SLC24A2: variants seen among roughly 807,000 people sequenced by gnomAD.
SLC24A2 encodes the protein sodium/potassium/calcium exchanger 2.
Under a neutral mutation model 62.0 loss-of-function variants are expected in SLC24A2, and 36 were observed. That is an observed-to-expected ratio of 0.58 (90% CI 0.44 to 0.77). The LOEUF (loss-of-function observed/expected upper bound fraction) is 0.77, where lower values mean the gene tolerates loss of function less well. SLC24A2 is among the 30% of genes least tolerant of loss of function. SLC24A2 has a pLI of 0.00. For synonymous variants in SLC24A2, 358 were observed against 294.0 expected, an observed-to-expected ratio of 1.22 and a Z score of -2.23; for missense variants, 846 against 817.9, an observed-to-expected ratio of 1.03 and a Z score of -0.42.
the SLC24A2 span, among the ~76,000 whole-genome samples, chr9:20,210,601 G>GTA: frequency 2.2e-5 from 3 of 138,112 alleles, no homozygotes; most frequent in East Asian, 7.5e-4. Context: ...AGCCTCCCGA[G>GTA]TAGCTGGGAC....
chr9:19,749,826 C>T (rs1207079974), intron 2 of SLC24A2, among the ~76,000 whole-genome samples: 2 of 152,196 alleles, frequency 1.3e-5, no homozygotes, highest in East Asian at 3.8e-4. Flanking sequence ...GCAGCTAGTC[C>T]ATATGCTCAC....
At chr9:19,550,539 G>C (rs1191503831) in intron 7 of SLC24A2, among the ~76,000 whole-genome samples, 1 of 152,090 alleles carries the variant, frequency 6.6e-6, no homozygotes, top group Non-Finnish European at 1.5e-5. Context: ...TATTCAACTG[G>C]AGTGGGCTAC....
At chr9:19,622,450 A>G (rs1817930864) in intron 2 of SLC24A2, 151 bp from the exon 3 acceptor site, 1 of 746,948 alleles carries the variant, frequency 1.3e-6, no homozygotes, top group Non-Finnish European at 2.3e-6. Context: ...CAGGGGACTA[A>G]GGATGTATAT....
At chr9:20,040,055 AATTG>A in the SLC24A2 span, among the ~76,000 whole-genome samples, 2 of 152,208 alleles carry the variant, frequency 1.3e-5, no homozygotes, top group Admixed American at 1.3e-4. Context: ...TTATTTCATA[AATTG>A]ATTGTTGTGA....
At chr9:19,821,458 T>A in the SLC24A2 span, among the ~76,000 whole-genome samples, 1 of 152,130 alleles carries the variant, frequency 6.6e-6, no homozygotes, top group Admixed American at 6.6e-5. Context: ...AAGAATGTGA[T>A]ATCCCTGTGA....
At chr9:19,660,204 G>T (rs1307328461) in intron 2 of SLC24A2, among the ~76,000 whole-genome samples, 1 of 152,204 alleles carries the variant, frequency 6.6e-6, no homozygotes, top group East Asian at 1.9e-4. Context: ...GGAAGCTGCT[G>T]TCTGAGTAAT....
the SLC24A2 span, among the ~76,000 whole-genome samples, chr9:19,908,093 G>C: frequency 6.6e-6 from 1 of 152,114 alleles, no homozygotes; most frequent in Non-Finnish European, 1.5e-5. Flanking sequence ...TATACTACAA[G>C]GCTACAGTCA....
At chr9:19,529,700 T>A in intron 8 of SLC24A2, among the ~76,000 whole-genome samples, 1 of 149,184 alleles carries the variant, frequency 6.7e-6, no homozygotes, top group African/African-American at 2.5e-5. Context: ...TAATGGGTAA[T>A]GGGGGAAATA....
chr9:20,265,462 C>G, the SLC24A2 span, among the ~76,000 whole-genome samples: 5,182 of 152,278 alleles, frequency 0.034, 121 homozygotes, highest in African/African-American at 0.049. Context: ...TTACTGTAAT[C>G]TGTGAACATA....
chr9:19,685,769 A>T (rs1234127792), intron 2 of SLC24A2, among the ~76,000 whole-genome samples: 1 of 152,116 alleles, frequency 6.6e-6, no homozygotes, highest in Non-Finnish European at 1.5e-5. Context: ...ACAAAAATCA[A>T]CTAAAGATGA....
intron 2 of SLC24A2, among the ~76,000 whole-genome samples, chr9:19,744,552 G>A (rs1194293510): frequency 2.6e-5 from 4 of 152,124 alleles, no homozygotes; most frequent in Admixed American, 6.6e-5. Context: ...CCAAGGAAAG[G>A]GGACAGCCGC....
the SLC24A2 span, among the ~76,000 whole-genome samples, chr9:20,113,218 C>G: frequency 1.3e-5 from 2 of 152,118 alleles, no homozygotes; most frequent in African/African-American, 4.8e-5. Context: ...TTCTAGGGAA[C>G]CAGGCAGCAT....
chr9:20,058,348 T>A, the SLC24A2 span, among the ~76,000 whole-genome samples: 2 of 152,136 alleles, frequency 1.3e-5, no homozygotes, highest in South Asian at 2.1e-4. Context: ...CCCTAATTTA[T>A]AAAATCTCCC....
chr9:20,002,542 A>C, the SLC24A2 span, among the ~76,000 whole-genome samples: 1 of 152,294 alleles, frequency 6.6e-6, no homozygotes. Context: ...TTTGTAGATG[A>C]GTAAACTGAA....
the SLC24A2 span, among the ~76,000 whole-genome samples, chr9:20,007,442 T>C: frequency 1.3e-5 from 2 of 152,252 alleles, no homozygotes; most frequent in East Asian, 3.9e-4. Context: ...CCCCATGTTT[T>C]CTAAGTCTAA....
At chr9:19,916,445 A>C in the SLC24A2 span, among the ~76,000 whole-genome samples, 1 of 152,046 alleles carries the variant, frequency 6.6e-6, no homozygotes, top group African/African-American at 2.4e-5. Flanking sequence ...CACAAGTTAA[A>C]AATTTACCTA....
At chr9:19,843,475 G>A in the SLC24A2 span, among the ~76,000 whole-genome samples, 1 of 152,332 alleles carries the variant, frequency 6.6e-6, no homozygotes, top group East Asian at 1.9e-4. Flanking sequence ...TTTTGCCATT[G>A]TGCTGCAGCC....
At position 19,698,501 on chromosome 9, in the gene SLC24A2, A is replaced by G. The variant is rs368261098; in HGVS notation, c.931-76202T>C. On this transcript the variant is annotated intron_variant, in intron 2 of 10. Coordinates refer to ENST00000341998, the MANE Select transcript of SLC24A2 (RefSeq NM_020344.4). The stretch of plus-strand genomic sequence containing the variant: ...TGTATAGCTGTGTCTACAAAAATAA[A>G]ATGGTAACCAAGAAGAACTCTAAAA... Among the ~76,000 whole-genome samples the G allele has an allele frequency of 5.9e-5, 9 of 152,316 alleles. No homozygotes were observed. The South Asian group carries it at 1.0e-3, about 18-fold the overall frequency.
the SLC24A2 span, among the ~76,000 whole-genome samples, chr9:20,213,125 A>T: frequency 2.0e-5 from 3 of 151,778 alleles, 1 homozygote; most frequent in African/African-American, 7.3e-5. Context: ...TCACCATGGC[A>T]CACATTTACC....
Sources: allele counts gnomAD v4.1 joint callset (sites outside exome capture counted in the v4.1 genomes callset), GRCh38; gene constraint gnomAD v4.1.1; transcripts MANE v1.5; gene names NCBI Gene and HGNC (gene_info 2026-07-23, HGNC 2026-07-21).